The following ME1 variants were observed in gnomAD, a reference collection of about 807,000 sequenced individuals.
ME1 encodes NADP-dependent malic enzyme.
In ME1, 74 loss-of-function variants were observed where a neutral mutation model predicts 66.4. The observed-to-expected ratio is 1.11, with a 90% CI of 0.92 to 1.35. The LOEUF (loss-of-function observed/expected upper bound fraction) is 1.35. Ranked by LOEUF, ME1 falls within the 40% of genes most tolerant of loss-of-function variation. The probability of loss-of-function intolerance (pLI) is 0.00; values close to 1 mark genes in which losing one functional copy is unlikely to be tolerated. For synonymous variants in ME1, 251 were observed against 235.6 expected (o/e 1.07, Z -0.60); for missense variants, 750 against 694.1 (o/e 1.08, Z -0.90).
chr6:83,407,617 T>A (rs1196432869), intron 2 of ME1, 151 bp downstream of exon 2: 16 of 776,714 alleles, frequency 2.1e-5, no homozygotes, highest in Non-Finnish European at 2.7e-5. Context: ...GAGTAAATTT[T>A]TTAAAAACAT....
intron 9 of ME1, among the ~76,000 whole-genome samples, chr6:83,233,553 ATAAT>A (rs1410309863): frequency 6.6e-6 from 1 of 152,110 alleles, no homozygotes; most frequent in East Asian, 1.9e-4. Context: ...TGCTGGAATA[ATAAT>A]TATCTAGCGT....
chr6:83,398,178 T>C (rs1591396), intron 3 of ME1, among the ~76,000 whole-genome samples, 189 bp downstream of exon 3: 47,874 of 151,898 alleles, frequency 0.32, 7,908 homozygotes, highest in Middle Eastern at 0.5. Context: ...TGTGAAATAA[T>C]GCATATGCTA....
intron 5 of ME1, among the ~76,000 whole-genome samples, chr6:83,332,209 A>T (rs180753735): frequency 1.3e-5 from 2 of 152,300 alleles, no homozygotes; most frequent in African/African-American, 4.8e-5. Flanking sequence ...AGTATTTTCC[A>T]TCTAAACAAA....
At chr6:83,299,067 T>C (rs1767663022) in intron 6 of ME1, among the ~76,000 whole-genome samples, 2 of 151,282 alleles carry the variant, frequency 1.3e-5, no homozygotes, top group South Asian at 2.1e-4. Context: ...CTTAGTATTT[T>C]CTTGGCTATT....
At chr6:83,262,625 A>G (rs568678332) in intron 6 of ME1, among the ~76,000 whole-genome samples, 1 of 152,350 alleles carries the variant, frequency 6.6e-6, no homozygotes. Context: ...AGAATTGTAT[A>G]TTATTTTACT....
chr6:83,256,654 T>TCAGAAATCCCATTTGACC (rs1208221579), intron 6 of ME1, among the ~76,000 whole-genome samples: 105 of 152,112 alleles, frequency 6.9e-4, no homozygotes, highest in African/African-American at 2.4e-3. Context: ...GGATCTAGAA[T>TCAGAAATCCCATTTGACC]CAGAAATCCC....
Position 83,211,623 on chromosome 6 carries a change from C to T in ME1, c.*301G>A, listed in dbSNP as rs1789872877. The stretch of plus-strand genomic sequence containing the variant: ...TCAATTTATTAGTAATTTTGGTCTT[C>T]CCATTAGTGTCCTGTATAAAAATGA... On this transcript the variant is annotated 3_prime_UTR_variant, in exon 14 of 14. Transcript: ENST00000369705. 5.4e-6 allele frequency: 1 copy of T among 186,246 alleles called. No individual in the cohort carries two copies. Among genetic ancestry groups the T allele is most frequent in the South Asian group, 2.0e-4 (1 of 5,116 alleles). 11.5% of individuals were successfully genotyped at this position (186,246 alleles called of 1,614,324 possible).
chr6:83,378,101 C>T (rs539814018), intron 3 of ME1, among the ~76,000 whole-genome samples: 3 of 151,608 alleles, frequency 2.0e-5, no homozygotes, highest in African/African-American at 4.8e-5. Context: ...TTAAAGGACA[C>T]GAGCCCTCCA....
intron 4 of ME1, among the ~76,000 whole-genome samples, chr6:83,348,982 C>G (rs1768742315): frequency 2.1e-5 from 2 of 96,374 alleles, no homozygotes; most frequent in South Asian, 6.4e-4. Flanking sequence ...AAAACTCTGT[C>G]TCAAAAAAAA....
chr6:83,370,463 G>A (rs1217962762), intron 3 of ME1, among the ~76,000 whole-genome samples: 1 of 152,092 alleles, frequency 6.6e-6, no homozygotes, highest in Non-Finnish European at 1.5e-5. Flanking sequence ...AGGAAAACGA[G>A]ACAATTTGAA....
chr6:83,369,946 C>A (rs1769165924), intron 3 of ME1, among the ~76,000 whole-genome samples: 1 of 151,916 alleles, frequency 6.6e-6, no homozygotes, highest in Admixed American at 6.6e-5. Flanking sequence ...AAAAGACAAC[C>A]CTTTAGGGGT....
intron 3 of ME1, chr6:83,392,860 A>T (rs1769650846): frequency 1.3e-6 from 1 of 772,086 alleles, no homozygotes; most frequent in Admixed American, 1.7e-5. Context: ...ATTATCAGCA[A>T]TGCCTCCTGC....
intron 3 of ME1, among the ~76,000 whole-genome samples, chr6:83,376,579 T>A (rs1769294742): frequency 6.8e-6 from 1 of 147,570 alleles, no homozygotes; most frequent in Admixed American, 6.8e-5. Flanking sequence ...GGCGGGCTGA[T>A]CCCCCAAGGC....
At chr6:83,269,335 G>A (rs947801974) in intron 6 of ME1, among the ~76,000 whole-genome samples, 3 of 151,994 alleles carry the variant, frequency 2.0e-5, no homozygotes, top group African/African-American at 7.2e-5. Context: ...GTAACATTAA[G>A]GGATATTAAT....
At chr6:83,238,340 A>C (rs1359042968) in intron 8 of ME1, among the ~76,000 whole-genome samples, 1 of 152,190 alleles carries the variant, frequency 6.6e-6, no homozygotes, top group African/African-American at 2.4e-5. Flanking sequence ...AAAGGAATCA[A>C]CTTCCTTGGT....
intron 3 of ME1, among the ~76,000 whole-genome samples, chr6:83,360,446 G>T (rs1768986773): frequency 6.6e-6 from 1 of 152,144 alleles, no homozygotes; most frequent in Non-Finnish European, 1.5e-5. Context: ...TTTAGCTCAG[G>T]TCCAACTTAC....
In ME1 at chr6:83,417,420, G is replaced by T. The variant is rs536564354; in HGVS notation, c.79-9519C>A. Reference sequence around the variant, plus strand: ...TTTTGAGACGGAGTCTCACTTTGTCGCCCAGGCTAGAGTGAAGTGGCGTGA... The same window carrying T: ...TTTTGAGACGGAGTCTCACTTTGTCTCCCAGGCTAGAGTGAAGTGGCGTGA... On this transcript the variant is annotated intron_variant, in intron 1 of 13. Coordinates refer to ENST00000369705, the MANE Select transcript of ME1 (RefSeq NM_002395.6). Among the ~76,000 whole-genome samples the T allele has an allele frequency of 2.6e-4, 39 of 151,748 alleles. No individual in the cohort carries two copies. The South Asian group carries it at 7.9e-3, about 31-fold the overall frequency.
chr6:83,262,013 CA>C (rs374491049), intron 6 of ME1, among the ~76,000 whole-genome samples: 146 of 77,234 alleles, frequency 1.9e-3, no homozygotes, highest in East Asian at 9.4e-3. Flanking sequence ...GAATCCATCT[CA>C]AAAAAAAAAA....
At chr6:83,398,839 C>T (rs549558822) in intron 2 of ME1, among the ~76,000 whole-genome samples, 66 of 151,960 alleles carry the variant, frequency 4.3e-4, no homozygotes, top group African/African-American at 1.5e-3. Flanking sequence ...CATGGTGGCT[C>T]ACGCCTGTAA....
Sources: gnomAD v4.1 joint callset for allele counts (sites outside exome capture counted in the v4.1 genomes callset) on GRCh38, gnomAD v4.1.1 for gene constraint, MANE v1.5 for transcripts, NCBI Gene and HGNC (gene_info 2026-07-23, HGNC 2026-07-21) for gene names.